The following WDFY3 variants were observed in gnomAD, a reference collection of about 807,000 sequenced individuals.
WDFY3 encodes WD repeat and FYVE domain containing 3.
A neutral mutation model predicts 409.6 loss-of-function variants in WDFY3; 66 were observed. The observed-to-expected ratio is 0.16, with a 90% confidence interval of 0.13 to 0.20. The LOEUF is 0.20. Ranked by LOEUF, WDFY3 falls within the 10% of genes least tolerant of loss-of-function variation. The pLI is 1.00. For missense variants in WDFY3, 3,031 were observed against 4,298.1 expected, an observed-to-expected ratio of 0.71 and a Z score of 8.24; for synonymous variants, 1,521 against 1,537.1, an observed-to-expected ratio of 0.99 and a Z score of 0.25.
At chr4:84,817,292 A>T in intron 13 of WDFY3, 100 bp downstream of exon 13, 4 of 1,462,362 alleles carry the variant, frequency 2.7e-6, no homozygotes, top group Non-Finnish European at 3.7e-6. Flanking sequence ...GGTAATTTGG[A>T]TTTTTTTTAA....
At chr4:84,888,358 T>C (rs1157374348) in intron 3 of WDFY3, among the ~76,000 whole-genome samples, 2 of 152,186 alleles carry the variant, frequency 1.3e-5, no homozygotes, top group Non-Finnish European at 2.9e-5. Context: ...TAAACTATGA[T>C]TGTGACTATT....
intron 3 of WDFY3, among the ~76,000 whole-genome samples, chr4:84,866,005 A>T (rs1761339521): frequency 6.6e-6 from 1 of 152,060 alleles, no homozygotes; most frequent in Non-Finnish European, 1.5e-5. Context: ...GGGGACATAA[A>T]GGCTGCAGTG....
At chr4:84,966,185 G>C (rs1411370621) in intron 1 of WDFY3, 24 bp downstream of exon 1, 1 of 151,636 alleles carries the variant, frequency 6.6e-6, no homozygotes, top group Non-Finnish European at 1.5e-5. Context: ...CGCGGGGGGC[G>C]GGGAGGATGG....
intron 6 of WDFY3, among the ~76,000 whole-genome samples, chr4:84,837,716 A>G (rs1756787791): frequency 6.6e-6 from 1 of 152,218 alleles, no homozygotes. Context: ...ATTGTTAAGT[A>G]TGATATAATA....
chr4:84,757,258 T>A, intron 32 of WDFY3, 97 bp from the exon 33 acceptor site: 1 of 1,100,946 alleles, frequency 9.1e-7, no homozygotes, highest in East Asian at 2.4e-5. Context: ...TGTTAACATT[T>A]CTATCCAGAA....
intron 56 of WDFY3, among the ~76,000 whole-genome samples, chr4:84,699,880 C>A (rs1397767312): frequency 1.3e-5 from 2 of 151,160 alleles, no homozygotes; most frequent in East Asian, 3.9e-4. Context: ...CTATTCAAGC[C>A]CTTTGCCCAT....
At chr4:84,878,952 C>G (rs1763133687) in intron 3 of WDFY3, among the ~76,000 whole-genome samples, 1 of 152,166 alleles carries the variant, frequency 6.6e-6, no homozygotes, top group South Asian at 2.1e-4. Context: ...ATATAAGGAA[C>G]TAAGGGAATG....
intron 1 of WDFY3, among the ~76,000 whole-genome samples, chr4:84,955,248 T>A (rs1774097716): frequency 6.7e-6 from 1 of 150,354 alleles, no homozygotes; most frequent in South Asian, 2.1e-4. Flanking sequence ...AGTAAGCGAA[T>A]ATGGTAGTGA....
intron 32 of WDFY3, among the ~76,000 whole-genome samples, chr4:84,762,907 C>T (rs902592814): frequency 1.3e-5 from 2 of 151,980 alleles, no homozygotes; most frequent in Middle Eastern, 3.4e-3. Context: ...AGCCCAGGAG[C>T]TTAAGTCTAG....
At chr4:84,707,322 C>G (rs1732138023) in intron 53 of WDFY3, among the ~76,000 whole-genome samples, 1 of 152,104 alleles carries the variant, frequency 6.6e-6, no homozygotes, top group Non-Finnish European at 1.5e-5. Flanking sequence ...GAGACTAGAG[C>G]ATTAAGCCCA....
chr4:84,719,946 G>C (rs1309883837), intron 47 of WDFY3, among the ~76,000 whole-genome samples: 1 of 152,124 alleles, frequency 6.6e-6, no homozygotes, highest in Admixed American at 6.5e-5. Flanking sequence ...AATTTCTAGT[G>C]ACTACTTCTT....
intron 4 of WDFY3, among the ~76,000 whole-genome samples, chr4:84,851,158 C>T (rs944765064): frequency 1.3e-5 from 2 of 150,924 alleles, no homozygotes; most frequent in African/African-American, 4.9e-5. Flanking sequence ...GAAACCTGGA[C>T]AGACCATCAT....
At chr4:84,684,506 G>T (rs1578124230) in intron 62 of WDFY3, among the ~76,000 whole-genome samples, 1 of 152,118 alleles carries the variant, frequency 6.6e-6, no homozygotes, top group Admixed American at 6.5e-5. Context: ...TTCATCTAGA[G>T]GCAGGAATCC....
intron 2 of WDFY3, among the ~76,000 whole-genome samples, chr4:84,929,847 G>A (rs1770519950): frequency 6.6e-6 from 1 of 151,868 alleles, no homozygotes; most frequent in Admixed American, 6.6e-5. Flanking sequence ...GGAGGCGGAG[G>A]TTACAGTCAG....
At chr4:84,829,493 T>C (rs1662168308) in intron 8 of WDFY3, among the ~76,000 whole-genome samples, 1 of 152,162 alleles carries the variant, frequency 6.6e-6, no homozygotes, top group Non-Finnish European at 1.5e-5. Flanking sequence ...TGCCAAATGA[T>C]ATTTTTGATC....
chr4:84,803,579 G>T, intron 15 of WDFY3, 112 bp from the exon 16 acceptor site: 1 of 1,185,474 alleles, frequency 8.4e-7, no homozygotes, highest in Non-Finnish European at 1.2e-6. Context: ...ACACCTTAAG[G>T]TTGGGATAGA....
chr4:84,964,276 T>C (rs1775321255), intron 1 of WDFY3, among the ~76,000 whole-genome samples: 1 of 152,114 alleles, frequency 6.6e-6, no homozygotes, highest in African/African-American at 2.4e-5. Flanking sequence ...AAGATCAGCC[T>C]GAGCAACACA....
At position 84,711,203 on chromosome 4, in the gene WDFY3, T is replaced by C. The variant is rs1732825919; in HGVS notation, c.8043-1856A>G. Among the ~76,000 whole-genome samples, 5 of 152,188 alleles carry C rather than the reference T, an allele frequency of 3.3e-5. 1 individual carries two copies. In the South Asian group the frequency reaches 1.0e-3, roughly 31 times the overall value. On this transcript the variant is annotated intron_variant, in intron 51 of 67. Coordinates refer to ENST00000295888, the MANE Select transcript of WDFY3 (RefSeq NM_014991.6). ...TGGGTCTACAGATTCTTGAAATGGC[T>C]GTGTTACCTAGAAGGCCTCGCTAAG...
chr4:84,909,450 TATA>T (rs1459245225), intron 2 of WDFY3, among the ~76,000 whole-genome samples: 1 of 151,928 alleles, frequency 6.6e-6, no homozygotes, highest in Non-Finnish European at 1.5e-5. Flanking sequence ...AAAAAATTCA[TATA>T]ATAACAAAGT....
Sources: allele counts gnomAD v4.1 joint callset (sites outside exome capture counted in the v4.1 genomes callset), GRCh38; gene constraint gnomAD v4.1.1; transcripts MANE v1.5; gene names NCBI Gene and HGNC (gene_info 2026-07-23, HGNC 2026-07-21).